FAT3: variants seen among roughly 807,000 people sequenced by gnomAD.
FAT3 encodes the protein FAT atypical cadherin 3.
In FAT3, 95 loss-of-function variants were observed where a neutral mutation model predicts 310.2. That is an observed-to-expected ratio of 0.31 (90% CI 0.26 to 0.36). The LOEUF (loss-of-function observed/expected upper bound fraction) is 0.36. FAT3 is among the 10% of genes least tolerant of loss of function. FAT3 has a pLI of 1.00. For synonymous variants in FAT3, 2,314 were observed against 2,192.9 expected, an observed-to-expected ratio of 1.06 and a Z score of -1.54; for missense variants, 5,408 against 5,715.6, an observed-to-expected ratio of 0.95 and a Z score of 1.74.
chr11:92,893,110 C>A lies in FAT3; in HGVS notation c.*1997C>A, dbSNP rs546695162. On this transcript the variant is annotated 3_prime_UTR_variant, in exon 28 of 28. Coordinates refer to ENST00000525166, the MANE Select transcript of FAT3 (RefSeq NM_001367949.2). ...GACATATTTTTAGTTATTTCAATTG[C>A]GTTTAATCCACTTCTTTTTTATGAG... 1.4e-4 allele frequency: 21 copies of A among 152,088 alleles called. No individual in the cohort carries two copies. The highest frequency in any genetic ancestry group is 4.8e-4 in the African/African-American group (20 of 41,454). 9.4% of individuals were successfully genotyped at this position (152,088 alleles called of 1,614,324 possible).
At chr11:92,807,120 A>G (rs188337626) in intron 12 of FAT3, among the ~76,000 whole-genome samples, 3 of 152,224 alleles carry the variant, frequency 2.0e-5, no homozygotes, top group Admixed American at 6.5e-5. Context: ...TGAGATTTCT[A>G]TGGAGGGGGA....
chr11:92,722,346 AT>A (rs1333946251), intron 4 of FAT3, among the ~76,000 whole-genome samples: 1 of 152,174 alleles, frequency 6.6e-6, no homozygotes, highest in African/African-American at 2.4e-5. Flanking sequence ...CTTTGACTCC[AT>A]GTCTCATATC....
At chr11:92,409,555 G>C (rs1256378940) in intron 2 of FAT3, among the ~76,000 whole-genome samples, 1 of 152,088 alleles carries the variant, frequency 6.6e-6, no homozygotes, top group African/African-American at 2.4e-5. Flanking sequence ...TAGAGCACTT[G>C]TCAGTTGGTG....
At chr11:92,775,761 C>T (rs1464686123) in intron 7 of FAT3, among the ~76,000 whole-genome samples, 1 of 152,140 alleles carries the variant, frequency 6.6e-6, no homozygotes, top group East Asian at 1.9e-4. Context: ...TCAGTAAATA[C>T]AGCCACAGAA....
intron 19 of FAT3, among the ~76,000 whole-genome samples, chr11:92,852,292 CTA>C (rs1314453902): frequency 6.6e-6 from 1 of 152,156 alleles, no homozygotes; most frequent in Non-Finnish European, 1.5e-5. Flanking sequence ...TTTTCAAAAA[CTA>C]AAAGTTTTTC....
intron 4 of FAT3, among the ~76,000 whole-genome samples, chr11:92,701,419 A>G (rs1944092868): frequency 6.6e-6 from 1 of 152,196 alleles, no homozygotes; most frequent in Non-Finnish European, 1.5e-5. Flanking sequence ...CTATAAAAGG[A>G]GGGTTGTCAT....
chr11:92,785,085 G>C (rs1565591551), intron 7 of FAT3, among the ~76,000 whole-genome samples: 1 of 151,920 alleles, frequency 6.6e-6, no homozygotes, highest in African/African-American at 2.4e-5. Flanking sequence ...GGCAAAGCTT[G>C]TCCCATGTCC....
intron 6 of FAT3, 45 bp downstream of exon 6, chr11:92,765,134 G>T: frequency 3.1e-6 from 4 of 1,302,058 alleles, no homozygotes; most frequent in South Asian, 3.3e-5. Flanking sequence ...TGTAATAATT[G>T]ACTGAAGCAA....
intron 14 of FAT3, among the ~76,000 whole-genome samples, chr11:92,833,062 C>T (rs1948308697): frequency 6.6e-6 from 1 of 152,158 alleles, no homozygotes; most frequent in Non-Finnish European, 1.5e-5. Context: ...TTCTCTTCAC[C>T]AGCGAGTTAA....
chr11:92,745,677 A>G (rs534551382), intron 4 of FAT3, among the ~76,000 whole-genome samples: 3 of 152,060 alleles, frequency 2.0e-5, no homozygotes, highest in Non-Finnish European at 4.4e-5. Flanking sequence ...CTGTAATATC[A>G]GCAGCTGCTG....
At chr11:92,623,382 T>TA (rs1941175857) in intron 3 of FAT3, among the ~76,000 whole-genome samples, 1 of 152,232 alleles carries the variant, frequency 6.6e-6, no homozygotes, top group Admixed American at 6.5e-5. Flanking sequence ...CACATAGCAG[T>TA]ACTCATACTA....
intron 3 of FAT3, among the ~76,000 whole-genome samples, chr11:92,660,449 C>T (rs1942742359): frequency 1.3e-5 from 2 of 151,938 alleles, no homozygotes; most frequent in Non-Finnish European, 2.9e-5. Context: ...AGGGGCTGGG[C>T]AATGAGATAA....
rs1591252852 is a variant in FAT3 at position 92,412,746 on chromosome 11, A to ATACATACACATATATATATATAT, written c.3292+57342_3292+57343insTACATACACATATATATATATAT. ...ATATATATATATATATATATATATA[A>ATACATACACATATATATATATAT]ATATACATACATATATATATATTTA... is the stretch of plus-strand genomic sequence containing the variant. On this transcript the variant is annotated intron_variant, in intron 2 of 27. Coordinates refer to ENST00000525166, the MANE Select transcript of FAT3 (RefSeq NM_001367949.2). Among the ~76,000 whole-genome samples the ATACATACACATATATATATATAT allele has an allele frequency of 1.7e-4, 3 of 18,072 alleles. 1 individual carries two copies. Among genetic ancestry groups the ATACATACACATATATATATATAT allele is most frequent in the East Asian group, 3.4e-3 (2 of 584 alleles). 11.9% of individuals were successfully genotyped at this position (18,072 alleles called of 152,430 possible). A position where few individuals can be genotyped will look rare whatever the true frequency, so the allele number is the denominator to read the frequency against.
At chr11:92,887,184 G>A in intron 25 of FAT3, 71 bp downstream of exon 25, 1 of 1,347,316 alleles carries the variant, frequency 7.4e-7, no homozygotes, top group Non-Finnish European at 1.0e-6. Context: ...TGGTTGGGAG[G>A]AGGGTGGTGC....
intron 3 of FAT3, among the ~76,000 whole-genome samples, chr11:92,593,282 T>C (rs1397877128): frequency 5.9e-5 from 9 of 152,134 alleles, no homozygotes; most frequent in Admixed American, 5.9e-4. Flanking sequence ...GTGAAATCTC[T>C]TTGAGTCTCT....
At chr11:92,634,415 C>G (rs187447352) in intron 3 of FAT3, among the ~76,000 whole-genome samples, 1 of 152,260 alleles carries the variant, frequency 6.6e-6, no homozygotes, top group African/African-American at 2.4e-5. Context: ...TAAGGAACAG[C>G]CAGACAGGAT....
In FAT3 at chr11:92,782,219, A is replaced by T. The variant is rs568788139; in HGVS notation, c.4336-7724A>T. On this transcript the variant is annotated intron_variant, in intron 7 of 27. Transcript: ENST00000525166. Reference sequence around the variant, plus strand: ...CGTGCATCTATAGTTTCAGCTACTCAAGTGGCTGAGGCAGAAGGATCACTT... The same window carrying T: ...CGTGCATCTATAGTTTCAGCTACTCTAGTGGCTGAGGCAGAAGGATCACTT... 1.3e-3 allele frequency among the ~76,000 whole-genome samples: 205 copies of T among 152,254 alleles called. No individual in the cohort carries two copies. In the Middle Eastern group the frequency reaches 0.041, roughly 30 times the overall value.
intron 2 of FAT3, among the ~76,000 whole-genome samples, chr11:92,435,523 C>A (rs1197489910): frequency 6.4e-5 from 9 of 141,550 alleles, no homozygotes; most frequent in Non-Finnish European, 1.4e-4. Context: ...TCCTTCCTTT[C>A]TCTTTCTTTC....
Position 92,799,789 on chromosome 11 carries a change from G to A in FAT3, c.6776G>A (p.Arg2259Lys), listed in dbSNP as rs762649895. Residue 2259 changes from arginine to lysine, a missense_variant, in exon 10 of 28, where the codon AGA becomes AAA. Physicochemically the swap from Arg to Lys is conservative, Grantham distance 26. Coordinates refer to ENST00000525166, the MANE Select transcript of FAT3 (RefSeq NM_001367949.2). ...ACATCTGCTTACAAGCTGACAATAAGAGCCAGCGACGCCCTTACTGGTGCT... is the reference window on the plus strand; with the variant it reads ...ACATCTGCTTACAAGCTGACAATAAAAGCCAGCGACGCCCTTACTGGTGCT... ...EVTSAYKLTIRASDALTGARA... is the reference protein window; with the variant it reads ...EVTSAYKLTIKASDALTGARA... The A allele has an allele frequency of 1.2e-6, 2 of 1,612,868 alleles. No homozygotes were observed. The highest frequency in any genetic ancestry group is 2.2e-5 in the South Asian group (2 of 90,802).
Sources: gnomAD v4.1 joint callset for allele counts (sites outside exome capture counted in the v4.1 genomes callset) on GRCh38, gnomAD v4.1.1 for gene constraint, MANE v1.5 for transcripts, NCBI Gene and HGNC (gene_info 2026-07-23, HGNC 2026-07-21) for gene names.